The following SUMF1 variants were observed in gnomAD, a reference collection of about 807,000 sequenced individuals.
SUMF1 encodes sulfatase modifying factor 1, also known as formylglycine-generating enzyme.
In SUMF1, 48 loss-of-function variants were observed where a neutral mutation model predicts 47.6. The ratio of observed to expected loss-of-function variants is 1.01; its 90% CI spans 0.80 to 1.28. The LOEUF is 1.28. Among genes scored for constraint, SUMF1 ranks in the 50% most tolerant of loss-of-function variants. The pLI, the probability that SUMF1 is intolerant of heterozygous loss-of-function variation, is 0.00. For synonymous variants in SUMF1, 230 were observed against 192.1 expected (o/e 1.20, Z -1.63); for missense variants, 571 against 485.4 (o/e 1.18, Z -1.66).
At chr3:4,343,580 C>T (rs1006432798) in intron 8 of SUMF1, among the ~76,000 whole-genome samples, 3 of 152,198 alleles carry the variant, frequency 2.0e-5, no homozygotes, top group Admixed American at 6.5e-5. Flanking sequence ...TTTCATTCCT[C>T]TCCCCTGACA....
chr3:4,300,224 C>A (rs1697935395), intron 8 of SUMF1, among the ~76,000 whole-genome samples: 1 of 152,190 alleles, frequency 6.6e-6, no homozygotes, highest in Non-Finnish European at 1.5e-5. Context: ...CTCTCTCTCA[C>A]TGCTCCTGCT....
chr3:4,358,803 T>G (rs1040333030), downstream of SUMF1, among the ~76,000 whole-genome samples: 1 of 152,206 alleles, frequency 6.6e-6, no homozygotes, highest in Non-Finnish European at 1.5e-5. Context: ...GATCAGATTT[T>G]TTACTTTTGA....
chr3:4,216,532 TAAAC>T (rs975961292), intron 8 of SUMF1, among the ~76,000 whole-genome samples: 11 of 152,080 alleles, frequency 7.2e-5, no homozygotes, highest in African/African-American at 2.6e-4. Context: ...AAAGCCAAAA[TAAAC>T]AAATGGGATC....
chr3:4,290,337 C>G (rs1048374123), intron 8 of SUMF1, among the ~76,000 whole-genome samples: 3 of 150,644 alleles, frequency 2.0e-5, no homozygotes, highest in African/African-American at 7.5e-5. Context: ...ATTTTCTCAT[C>G]ACAATTTGCT....
chr3:4,109,031 AC>A (rs1298926150), intron 8 of SUMF1, among the ~76,000 whole-genome samples: 1 of 152,074 alleles, frequency 6.6e-6, no homozygotes. Context: ...CATGGTCTTT[AC>A]AATTTGGCAT....
chr3:4,034,649 T>C (rs897916265), intron 9 of SUMF1, among the ~76,000 whole-genome samples: 2 of 152,034 alleles, frequency 1.3e-5, no homozygotes. Flanking sequence ...CAGAGGTAAG[T>C]CAGGAGGCAT....
At chr3:4,387,820 C>T (rs946977073) in intron 7 of SUMF1, among the ~76,000 whole-genome samples, 1 of 152,042 alleles carries the variant, frequency 6.6e-6, no homozygotes, top group African/African-American at 2.4e-5. Flanking sequence ...GGGACTTCCC[C>T]TGTGACCTAA....
intron 3 of SUMF1, among the ~76,000 whole-genome samples, chr3:4,436,895 C>T (rs1278562873): frequency 1.4e-5 from 2 of 148,030 alleles, no homozygotes; most frequent in African/African-American, 2.5e-5. Flanking sequence ...AAAAACCCAA[C>T]TGACTAATGA....
chr3:4,163,080 T>A (rs1188320385), intron 8 of SUMF1, among the ~76,000 whole-genome samples: 1 of 151,416 alleles, frequency 6.6e-6, no homozygotes, highest in African/African-American at 2.4e-5. Flanking sequence ...TGTACAAATG[T>A]CTGATGTAAA....
Position 4,247,859 on chromosome 3 carries a change from G to T in SUMF1, c.1014+128471C>A, listed in dbSNP as rs191065057. On this transcript the variant is annotated intron_variant and NMD_transcript_variant, in intron 8 of 12. Transcript: ENST00000448413. ...AAGTGCTTGAAAACAAAATGTCTCA[G>T]TTCCAGTCTAAAATTGAAAACTCAC... is the stretch of plus-strand genomic sequence containing the variant. Among the ~76,000 whole-genome samples the T allele has an allele frequency of 7.9e-4, 121 of 152,296 alleles. 1 individual carries two copies. The highest frequency in any genetic ancestry group is 1.5e-3 in the Non-Finnish European group (100 of 68,012).
At chr3:4,131,490 C>T (rs1693787967) in intron 8 of SUMF1, among the ~76,000 whole-genome samples, 1 of 152,176 alleles carries the variant, frequency 6.6e-6, no homozygotes, top group African/African-American at 2.4e-5. Flanking sequence ...TAGGACATCC[C>T]TGAAGCACAG....
intron 8 of SUMF1, among the ~76,000 whole-genome samples, chr3:4,191,063 G>A (rs1695304900): frequency 6.6e-6 from 1 of 152,112 alleles, no homozygotes; most frequent in Non-Finnish European, 1.5e-5. Flanking sequence ...CATGGATCAA[G>A]GAAAGCCCCT....
At chr3:4,264,388 A>C (rs951184805) in intron 8 of SUMF1, among the ~76,000 whole-genome samples, 5 of 152,196 alleles carry the variant, frequency 3.3e-5, no homozygotes, top group African/African-American at 1.2e-4. Context: ...GCCTCTTCAA[A>C]ATGTCCCAGT....
At chr3:4,226,264 C>CTTTTTTTTTTT (rs869300368) in intron 8 of SUMF1, among the ~76,000 whole-genome samples, 4 of 86,988 alleles carry the variant, frequency 4.6e-5, no homozygotes, top group Non-Finnish European at 8.4e-5. Context: ...TTTTTTGTTT[C>CTTTTTTTTTTT]TTTTTTTTTT....
intron 8 of SUMF1, among the ~76,000 whole-genome samples, chr3:4,326,938 A>G (rs192430347): frequency 1.1e-3 from 167 of 152,324 alleles, no homozygotes; most frequent in African/African-American, 3.7e-3. Context: ...GTCTCCAATT[A>G]TAGCCTATTC....
chr3:4,286,419 CTT>C (rs1382506939), intron 8 of SUMF1, among the ~76,000 whole-genome samples: 2 of 152,034 alleles, frequency 1.3e-5, no homozygotes, highest in African/African-American at 2.4e-5. Context: ...TCTAGAAAGT[CTT>C]TTTATGCTGT....
At position 4,152,443 on chromosome 3, in the gene SUMF1, A is replaced by G. The variant is rs1434016732; in HGVS notation, c.1015-83698T>C. ...GCTAGAACTACAGGCACAGGCCCCA[A>G]CACCCGGATTTGCTTTTTTTTTTTC... On this transcript the variant is annotated intron_variant and NMD_transcript_variant, in intron 8 of 12. Coordinates refer to the SUMF1 transcript ENST00000448413. Among the ~76,000 whole-genome samples, 3 of 149,106 alleles carry G rather than the reference A, an allele frequency of 2.0e-5. No homozygotes were observed. The East Asian group carries it at 5.8e-4, about 29-fold the overall frequency.
At chr3:4,141,669 T>TCAAACAAA (rs138261177) in intron 8 of SUMF1, among the ~76,000 whole-genome samples, 17 of 151,804 alleles carry the variant, frequency 1.1e-4, no homozygotes, top group African/African-American at 4.1e-4. Flanking sequence ...CTTCAAAGCC[T>TCAAACAAA]CAAACAAACA....
At chr3:4,281,067 C>A (rs1015562970) in intron 8 of SUMF1, among the ~76,000 whole-genome samples, 1 of 151,992 alleles carries the variant, frequency 6.6e-6, no homozygotes, top group African/African-American at 2.4e-5. Flanking sequence ...CAAATCAATC[C>A]ATAACAGCTT....
Sources: gnomAD v4.1 joint callset for allele counts (sites outside exome capture counted in the v4.1 genomes callset) on GRCh38, gnomAD v4.1.1 for gene constraint, MANE v1.5 for transcripts, NCBI Gene and HGNC (gene_info 2026-07-23, HGNC 2026-07-21) for gene names.